The following PARD3B variants were observed in gnomAD, a reference collection of about 807,000 sequenced individuals.
PARD3B encodes par-3 family cell polarity regulator beta.
Under a neutral mutation model 130.2 loss-of-function variants are expected in PARD3B, and 103 were observed. The observed-to-expected ratio is 0.79, with a 90% CI of 0.67 to 0.93. The LOEUF is 0.93. Ranked by LOEUF, PARD3B falls within the 40% of genes least tolerant of loss-of-function variation. The pLI, the probability that PARD3B is intolerant of heterozygous loss-of-function variation, is 0.00. For synonymous variants in PARD3B, 583 were observed against 553.2 expected, an observed-to-expected ratio of 1.05 and a Z score of -0.76; for missense variants, 1,609 against 1,499.2, an observed-to-expected ratio of 1.07 and a Z score of -1.21.
At chr2:205,035,491 A>G (rs762009178) in intron 3 of PARD3B, among the ~76,000 whole-genome samples, 1 of 152,016 alleles carries the variant, frequency 6.6e-6, no homozygotes, top group Non-Finnish European at 1.5e-5. Context: ...CAAATCTTCC[A>G]TAGAGTAGCT....
chr2:205,268,590 C>G lies in PARD3B; in HGVS notation c.2185+22768C>G, dbSNP rs934854901. On this transcript the variant is annotated intron_variant, in intron 16 of 22. Coordinates refer to ENST00000406610, the MANE Select transcript of PARD3B (RefSeq NM_001302769.2). This position sits in a 1 kb window ranked among gnomAD's most constrained non-coding sequence, Gnocchi z 4.1. ...TCAGGTGGAAAGTGCTCTAATGCCA[C>G]TAGTATTAGGAGGCGGTAATTTGCA... Among the ~76,000 whole-genome samples the G allele has an allele frequency of 6.6e-6, 1 of 151,976 alleles. No individual in the cohort carries two copies. The highest frequency in any genetic ancestry group is 2.1e-4 in the South Asian group (1 of 4,822).
intron 20 of PARD3B, among the ~76,000 whole-genome samples, chr2:205,452,452 G>A (rs2048132843): frequency 6.6e-6 from 1 of 152,204 alleles, no homozygotes; most frequent in Non-Finnish European, 1.5e-5. Context: ...ACATTTCAAT[G>A]TGGGAATCCC....
At chr2:204,842,239 A>G (rs1187426050) in intron 2 of PARD3B, among the ~76,000 whole-genome samples, 2 of 152,140 alleles carry the variant, frequency 1.3e-5, no homozygotes, top group Non-Finnish European at 2.9e-5. Flanking sequence ...TCTCTCCAGC[A>G]TCTAAAATGA....
chr2:205,310,719 CTT>C (rs34032930), intron 18 of PARD3B, among the ~76,000 whole-genome samples: 64 of 82,608 alleles, frequency 7.7e-4, no homozygotes, highest in African/African-American at 2.1e-3. Context: ...TTCTTTCTTT[CTT>C]TTTTTTTTTT....
At chr2:205,383,121 T>TAGATAGATAGATAGATAGAG (rs1553500395) in intron 18 of PARD3B, among the ~76,000 whole-genome samples, 22 of 150,856 alleles carry the variant, frequency 1.5e-4, no homozygotes, top group Non-Finnish European at 3.0e-4. Context: ...GATAGATAGA[T>TAGATAGATAGATAGATAGAG]AGATAGATAG....
chr2:204,748,797 T>A (rs144763995), intron 2 of PARD3B, among the ~76,000 whole-genome samples: 1 of 152,260 alleles, frequency 6.6e-6, no homozygotes, highest in Non-Finnish European at 1.5e-5. Flanking sequence ...TGGATAATAA[T>A]TTAGAATATT....
At chr2:205,039,511 C>A (rs1178901465) in intron 3 of PARD3B, among the ~76,000 whole-genome samples, 1 of 151,688 alleles carries the variant, frequency 6.6e-6, no homozygotes, top group Non-Finnish European at 1.5e-5. Context: ...GCTTTGTCAC[C>A]CAGGTTGGAG....
At chr2:204,916,504 G>C (rs1010710009) in intron 2 of PARD3B, among the ~76,000 whole-genome samples, 1 of 152,092 alleles carries the variant, frequency 6.6e-6, no homozygotes, top group African/African-American at 2.4e-5. Context: ...GTAGCATATT[G>C]AATTTTAAAT....
chr2:205,177,199 A>G (rs546023471), intron 13 of PARD3B, among the ~76,000 whole-genome samples: 28 of 152,282 alleles, frequency 1.8e-4, no homozygotes, highest in African/African-American at 6.5e-4. Context: ...AAATTGTTTT[A>G]TCTCCCTGTA....
intron 13 of PARD3B, among the ~76,000 whole-genome samples, chr2:205,184,506 G>C (rs1377793194): frequency 6.6e-6 from 1 of 152,146 alleles, no homozygotes; most frequent in Non-Finnish European, 1.5e-5. Flanking sequence ...ACTTTGGGAG[G>C]CGGAGATGAG....
chr2:205,553,191 C>G, intron 21 of PARD3B, 133 bp from the exon 22 acceptor site: 1 of 735,782 alleles, frequency 1.4e-6, no homozygotes, highest in Non-Finnish European at 2.3e-6. Context: ...ATGTGGAGTT[C>G]TTGCTTGCTT....
chr2:205,278,454 G>A (rs2105825573), intron 16 of PARD3B, among the ~76,000 whole-genome samples: 1 of 152,272 alleles, frequency 6.6e-6, no homozygotes, highest in Non-Finnish European at 1.5e-5. Flanking sequence ...GTTAGATGCA[G>A]AGACCATTTT....
In PARD3B at chr2:204,703,160, A is replaced by T. The variant is rs370316496; in HGVS notation, c.222+16878A>T. The stretch of plus-strand genomic sequence containing the variant: ...GAGAACAGGATTAAGTGGTTTGCAC[A>T]CTTCTAAAGAGCCAGTACCTGATTA... On this transcript the variant is annotated intron_variant, in intron 2 of 22. Transcript: ENST00000406610. Among the ~76,000 whole-genome samples, 68 of 152,320 alleles carry T rather than the reference A, an allele frequency of 4.5e-4. 1 individual carries two copies. The South Asian group carries it at 0.014, about 31-fold the overall frequency.
At chr2:204,670,167 T>C (rs1419726070) in intron 1 of PARD3B, among the ~76,000 whole-genome samples, 1 of 152,204 alleles carries the variant, frequency 6.6e-6, no homozygotes, top group Non-Finnish European at 1.5e-5. Flanking sequence ...AAGTAATGCT[T>C]ACACATGGTT....
intron 18 of PARD3B, among the ~76,000 whole-genome samples, chr2:205,359,741 T>C (rs1324543742): frequency 1.3e-5 from 2 of 152,204 alleles, no homozygotes; most frequent in South Asian, 2.1e-4. Flanking sequence ...CAATTTTGTA[T>C]CCTTTAATCA....
intron 2 of PARD3B, among the ~76,000 whole-genome samples, chr2:204,726,065 G>C (rs952926466): frequency 9.2e-5 from 14 of 152,180 alleles, no homozygotes; most frequent in African/African-American, 2.9e-4. Flanking sequence ...AGTCCAGCTA[G>C]GGCTGCGGAC....
chr2:204,612,142 A>G (rs1029070695), intron 1 of PARD3B, among the ~76,000 whole-genome samples: 2 of 152,178 alleles, frequency 1.3e-5, no homozygotes, highest in African/African-American at 4.8e-5. Context: ...AATACACACT[A>G]TTTGGTGTGA....
chr2:204,812,533 C>T (rs1255024971), intron 2 of PARD3B, among the ~76,000 whole-genome samples: 2 of 152,176 alleles, frequency 1.3e-5, no homozygotes, highest in Non-Finnish European at 2.9e-5. Context: ...TGCATTTCTT[C>T]TCCCCTGATT....
At chr2:205,614,485 C>T (rs1004228390) in intron 22 of PARD3B, among the ~76,000 whole-genome samples, 2 of 152,042 alleles carry the variant, frequency 1.3e-5, no homozygotes, top group African/African-American at 4.8e-5. Flanking sequence ...AGGCAGATCA[C>T]CTAAGGTCAG....
Sources: gnomAD v4.1 joint callset for allele counts (sites outside exome capture counted in the v4.1 genomes callset) on GRCh38, gnomAD v4.1.1 for gene constraint, Gnocchi (gnomAD v3.1) non-coding constraint, MANE v1.5 for transcripts, NCBI Gene and HGNC (gene_info 2026-07-23, HGNC 2026-07-21) for gene names.